The following ST6GALNAC3 variants were observed in gnomAD, a reference collection of about 807,000 sequenced individuals.
ST6GALNAC3 encodes ST6 N-acetylgalactosaminide alpha-2,6-sialyltransferase 3.
A neutral mutation model predicts 32.7 loss-of-function variants in ST6GALNAC3; 25 were observed. That is an observed-to-expected ratio of 0.76 (90% CI 0.56 to 1.07). The LOEUF is 1.07. ST6GALNAC3 is among the 50% of genes least tolerant of loss of function. The pLI, the probability that ST6GALNAC3 is intolerant of heterozygous loss-of-function variation, is 0.00. For missense variants in ST6GALNAC3, 355 were observed against 382.4 expected (o/e 0.93, Z 0.60); for synonymous variants, 129 against 133.1 (o/e 0.97, Z 0.21).
chr1:76,433,285 G>C (rs765561808), intron 3 of ST6GALNAC3, among the ~76,000 whole-genome samples: 1 of 151,762 alleles, frequency 6.6e-6, no homozygotes, highest in African/African-American at 2.4e-5. Context: ...ATTTTTGTTT[G>C]GTTGATTTTT....
chr1:76,608,393 C>T (rs967589115), intron 3 of ST6GALNAC3, among the ~76,000 whole-genome samples: 4 of 151,972 alleles, frequency 2.6e-5, no homozygotes, highest in African/African-American at 4.8e-5. Flanking sequence ...TGCAGTCTAA[C>T]GGGAGGAGAA....
chr1:76,488,617 A>G (rs767092805), intron 3 of ST6GALNAC3, among the ~76,000 whole-genome samples: 2 of 152,174 alleles, frequency 1.3e-5, no homozygotes, highest in Non-Finnish European at 2.9e-5. Flanking sequence ...TTCATGGGTG[A>G]ATTCAAGACA....
At chr1:76,383,304 T>G (rs575026575) in intron 2 of ST6GALNAC3, among the ~76,000 whole-genome samples, 3 of 152,190 alleles carry the variant, frequency 2.0e-5, no homozygotes, top group African/African-American at 7.2e-5. Flanking sequence ...AGAGTCTTGC[T>G]CTGTCACCCA....
intron 1 of ST6GALNAC3, among the ~76,000 whole-genome samples, chr1:76,249,505 A>G (rs1465272722): frequency 2.0e-5 from 3 of 152,146 alleles, no homozygotes; most frequent in Admixed American, 2.0e-4. Context: ...CATTCTATAA[A>G]GTTACCATAT....
At chr1:76,476,395 T>G (rs114040763) in intron 3 of ST6GALNAC3, among the ~76,000 whole-genome samples, 1 of 152,196 alleles carries the variant, frequency 6.6e-6, no homozygotes, top group Non-Finnish European at 1.5e-5. Context: ...GACTGTAGTT[T>G]GCTGACCCCT....
At chr1:76,443,316 C>T (rs1196633872) in intron 3 of ST6GALNAC3, among the ~76,000 whole-genome samples, 1 of 152,140 alleles carries the variant, frequency 6.6e-6, no homozygotes. Flanking sequence ...ACTGTGTTAT[C>T]TATGGATAAA....
At chr1:76,387,250 G>T (rs549325018) in intron 2 of ST6GALNAC3, among the ~76,000 whole-genome samples, 1 of 151,814 alleles carries the variant, frequency 6.6e-6, no homozygotes, top group Non-Finnish European at 1.5e-5. Context: ...CTTCCCTCTC[G>T]GCACTAAATG....
rs931810144 is a variant in ST6GALNAC3 at position 76,363,020 on chromosome 1, G to C, written c.214-48988G>C. ...CCACATCTCTCCTCCACATTGCCCT[G>C]GTAAAGGTTCTCCATGAGGGATCTG... On this transcript the variant is annotated intron_variant, in intron 2 of 4. Coordinates refer to ENST00000328299, the MANE Select transcript of ST6GALNAC3 (RefSeq NM_152996.4). 4.6e-5 allele frequency among the ~76,000 whole-genome samples: 7 copies of C among 152,324 alleles called. No homozygotes were observed. In the East Asian group the frequency reaches 1.4e-3, roughly 29 times the overall value.
At chr1:76,136,278 T>C (rs1273419401) in intron 1 of ST6GALNAC3, among the ~76,000 whole-genome samples, 1 of 152,220 alleles carries the variant, frequency 6.6e-6, no homozygotes, top group African/African-American at 2.4e-5. Flanking sequence ...GGGAGGCAAA[T>C]GTTCTACAAA....
chr1:76,424,281 G>C (rs925519151), intron 3 of ST6GALNAC3, among the ~76,000 whole-genome samples: 2 of 151,794 alleles, frequency 1.3e-5, no homozygotes, highest in Non-Finnish European at 2.9e-5. Context: ...ATCTTAATTG[G>C]GAGAGAAGAC....
intron 3 of ST6GALNAC3, among the ~76,000 whole-genome samples, chr1:76,511,485 C>G (rs941364256): frequency 6.6e-6 from 1 of 152,198 alleles, no homozygotes; most frequent in Non-Finnish European, 1.5e-5. Flanking sequence ...GTGCCCCTCC[C>G]CTTTCCTCCC....
intron 3 of ST6GALNAC3, among the ~76,000 whole-genome samples, chr1:76,515,364 TA>T: frequency 6.6e-6 from 1 of 152,250 alleles, no homozygotes; most frequent in South Asian, 2.1e-4. Flanking sequence ...ATTTTATCTT[TA>T]AAAAAACCAA....
chr1:76,225,783 G>A (rs1656031969), intron 1 of ST6GALNAC3, among the ~76,000 whole-genome samples: 1 of 152,176 alleles, frequency 6.6e-6, no homozygotes, highest in Non-Finnish European at 1.5e-5. Context: ...GAGGCAATGA[G>A]TGTTGTATGG....
At chr1:76,135,481 T>C (rs568706092) in intron 1 of ST6GALNAC3, among the ~76,000 whole-genome samples, 74 of 152,322 alleles carry the variant, frequency 4.9e-4, no homozygotes, top group Non-Finnish European at 9.3e-4. Context: ...GACATTATTA[T>C]CCCTATTTTG....
chr1:76,305,902 T>A (rs1311710275), intron 1 of ST6GALNAC3: 1 of 518,210 alleles, frequency 1.9e-6, no homozygotes, highest in East Asian at 5.5e-5. Flanking sequence ...TGAACTCTGA[T>A]ATTCTGCCTC....
intron 3 of ST6GALNAC3, among the ~76,000 whole-genome samples, chr1:76,600,172 T>G (rs1050950308): frequency 6.6e-6 from 1 of 152,024 alleles, no homozygotes; most frequent in African/African-American, 2.4e-5. Context: ...TTGCTTCCCC[T>G]CTCTGCTCTC....
rs574840792 is a variant in ST6GALNAC3, at chr1:76,456,742, T to C, written c.623+44325T>C. ...CTATCTGTGACAAACCCACAGCCAA[T>C]ATCATACTGAATGGGCAAAAACTGG... On this transcript the variant is annotated intron_variant, in intron 3 of 4. Transcript: ENST00000328299. Among the ~76,000 whole-genome samples, 307 of 152,188 alleles carry C rather than the reference T, an allele frequency of 2.0e-3. 1 individual carries two copies. The highest frequency in any genetic ancestry group is 6.8e-3 in the African/African-American group (282 of 41,532).
chr1:76,591,946 G>A (rs564681010), intron 3 of ST6GALNAC3, among the ~76,000 whole-genome samples: 29 of 152,322 alleles, frequency 1.9e-4, no homozygotes, highest in African/African-American at 5.3e-4. Flanking sequence ...GAAGTTCTGT[G>A]AGTTATTCTG....
At chr1:76,261,363 G>C (rs1468399738) in intron 1 of ST6GALNAC3, among the ~76,000 whole-genome samples, 1 of 152,128 alleles carries the variant, frequency 6.6e-6, no homozygotes, top group Non-Finnish European at 1.5e-5. Context: ...TAAGTAAATT[G>C]TTTACTTGAA....
Sources: allele counts gnomAD v4.1 joint callset (sites outside exome capture counted in the v4.1 genomes callset), GRCh38; gene constraint gnomAD v4.1.1; transcripts MANE v1.5; gene names NCBI Gene and HGNC (gene_info 2026-07-23, HGNC 2026-07-21).